GRM7: variants seen among roughly 807,000 people sequenced by gnomAD.
GRM7 encodes the protein glutamate metabotropic receptor 7.
In GRM7, 35 loss-of-function variants were observed where a neutral mutation model predicts 84.5. The observed-to-expected ratio is 0.41, with a 90% CI of 0.32 to 0.55. The LOEUF (loss-of-function observed/expected upper bound fraction) is 0.55, where lower values mean the gene tolerates loss of function less well. Ranked by LOEUF, GRM7 falls within the 20% of genes least tolerant of loss-of-function variation. GRM7 has a pLI of 0.19. For missense variants in GRM7, 1,003 were observed against 1,194.6 expected (o/e 0.84, Z 2.36); for synonymous variants, 487 against 455.1 (o/e 1.07, Z -0.89).
chr3:6,884,688 CT>C (rs1019879725), intron 1 of GRM7, among the ~76,000 whole-genome samples: 6 of 152,002 alleles, frequency 3.9e-5, no homozygotes, highest in Non-Finnish European at 7.4e-5. Context: ...CAACACTCGC[CT>C]TTGGGGTTCA....
At position 7,559,882 on chromosome 3, in the gene GRM7, T is replaced by TCCTTCTCATGTTGTCCC. The variant is rs556426392; in HGVS notation, c.1516-18538_1516-18522dup. 1.5e-3 allele frequency among the ~76,000 whole-genome samples: 231 copies of TCCTTCTCATGTTGTCCC among 152,224 alleles called. 1 individual carries two copies. The highest frequency in any genetic ancestry group is 5.3e-3 in the African/African-American group (222 of 41,550). ...CTCTCCTCTGGGCTTGCAGATGGCC[T>TCCTTCTCATGTTGTCCC]CCTTCTCATGTTGTCCCCACATGGC... On this transcript the variant is annotated intron_variant, in intron 7 of 9. Coordinates refer to ENST00000357716, the MANE Select transcript of GRM7 (RefSeq NM_000844.4).
intron 7 of GRM7, chr3:7,520,407 C>CT (rs1229626173): frequency 6.6e-6 from 1 of 152,048 alleles, no homozygotes; most frequent in Non-Finnish European, 1.5e-5. Context: ...CCATCTTGCC[C>CT]TTATTAATTC....
intron 7 of GRM7, among the ~76,000 whole-genome samples, chr3:7,501,682 C>T (rs1203438771): frequency 6.6e-6 from 1 of 152,140 alleles, no homozygotes; most frequent in South Asian, 2.1e-4. Flanking sequence ...CACAATTTAC[C>T]ATGATTCCTA....
chr3:7,117,537 A>C (rs193145715), intron 1 of GRM7, among the ~76,000 whole-genome samples: 1 of 152,182 alleles, frequency 6.6e-6, no homozygotes, highest in Non-Finnish European at 1.5e-5. Flanking sequence ...GGTCTAAGCT[A>C]TCCCCTGACT....
chr3:6,862,915 G>C lies in GRM7; in HGVS notation c.519+1008G>C, dbSNP rs1694810846. 3 of 430,534 alleles carry C rather than the reference G, an allele frequency of 7.0e-6. No individual in the cohort carries two copies. The highest frequency in any genetic ancestry group is 2.7e-5 in the Admixed American group (1 of 37,246). The allele number at this position is 430,534 out of a possible 1,614,324, so 26.7% of individuals were successfully genotyped here. ...GAAAAAATGGGAGGAAGGCGGATCC[G>C]GGGCCGCTGAGCGGTGGGTTCTGCC... On this transcript the variant is annotated intron_variant, in intron 1 of 9. Transcript: ENST00000357716. The surrounding 1 kb of genome is among the most constrained non-coding windows in gnomAD (Gnocchi z 5.2).
chr3:7,302,309 G>T (rs541545291), intron 3 of GRM7, among the ~76,000 whole-genome samples: 1 of 152,080 alleles, frequency 6.6e-6, no homozygotes, highest in African/African-American at 2.4e-5. Flanking sequence ...ACAGAATAAA[G>T]ATCACATAGA....
chr3:7,339,186 C>A (rs892439963), intron 4 of GRM7, among the ~76,000 whole-genome samples: 1 of 152,064 alleles, frequency 6.6e-6, no homozygotes, highest in South Asian at 2.1e-4. Flanking sequence ...CCACTTTATC[C>A]TCTCTGAATT....
At chr3:7,168,242 A>G (rs1373887538) in intron 2 of GRM7, among the ~76,000 whole-genome samples, 2 of 152,070 alleles carry the variant, frequency 1.3e-5, no homozygotes, top group African/African-American at 4.8e-5. Flanking sequence ...TGTTTCAACT[A>G]TTGTTTCAGT....
intron 4 of GRM7, among the ~76,000 whole-genome samples, chr3:7,342,405 C>T (rs1210815759): frequency 1.3e-5 from 2 of 152,122 alleles, no homozygotes; most frequent in South Asian, 2.1e-4. Context: ...CCTTCCAAGC[C>T]CATGCTAGAC....
intron 1 of GRM7, among the ~76,000 whole-genome samples, chr3:7,103,818 C>CTTTCTTTCTTTCTT (rs1201324152): frequency 2.0e-4 from 25 of 122,320 alleles, no homozygotes; most frequent in African/African-American, 8.6e-4. Flanking sequence ...TTCTTTCTTT[C>CTTTCTTTCTTTCTT]TCTCTCTCTC....
intron 4 of GRM7, among the ~76,000 whole-genome samples, chr3:7,347,448 G>A (rs1034294104): frequency 2.6e-5 from 4 of 152,148 alleles, no homozygotes; most frequent in Non-Finnish European, 4.4e-5. Context: ...TCATGAGAGT[G>A]AGCCAGTTTA....
At chr3:7,677,262 TAAAAAAAAAAAAAAAAAAAA>T (rs557488794) in intron 8 of GRM7, among the ~76,000 whole-genome samples, 1 of 36,980 alleles carries the variant, frequency 2.7e-5, no homozygotes, top group African/African-American at 9.0e-5. Flanking sequence ...ACTCTGTCTT[TAAAAAAAAAAAAAAAAAAAA>T]AAAAAAAAAA....
At chr3:7,183,695 C>A (rs1695421394) in intron 2 of GRM7, among the ~76,000 whole-genome samples, 1 of 152,014 alleles carries the variant, frequency 6.6e-6, no homozygotes, top group African/African-American at 2.4e-5. Context: ...TTTCATGAGT[C>A]TGGCATAAAG....
chr3:7,378,613 C>T (rs761497747), intron 4 of GRM7, among the ~76,000 whole-genome samples: 19 of 152,040 alleles, frequency 1.2e-4, no homozygotes, highest in African/African-American at 4.6e-4. Flanking sequence ...CTTTTTGTGA[C>T]AAGAGAGGTT....
chr3:7,265,210 G>A (rs1450551249), intron 2 of GRM7, among the ~76,000 whole-genome samples: 1 of 152,066 alleles, frequency 6.6e-6, no homozygotes, highest in Non-Finnish European at 1.5e-5. Context: ...AGCTATCTCT[G>A]GACATATTTG....
At chr3:7,245,309 G>T (rs1004330637) in intron 2 of GRM7, among the ~76,000 whole-genome samples, 2 of 151,898 alleles carry the variant, frequency 1.3e-5, no homozygotes, top group Non-Finnish European at 2.9e-5. Flanking sequence ...GAAGCCAAAC[G>T]AATCTCAGGC....
chr3:7,631,606 T>G (rs1329458919), intron 8 of GRM7, among the ~76,000 whole-genome samples: 1 of 152,050 alleles, frequency 6.6e-6, no homozygotes, highest in Non-Finnish European at 1.5e-5. Context: ...AAACAAGGCT[T>G]TTTCAACTTT....
At chr3:7,609,173 A>G (rs1559436769) in intron 8 of GRM7, among the ~76,000 whole-genome samples, 1 of 152,162 alleles carries the variant, frequency 6.6e-6, no homozygotes, top group Non-Finnish European at 1.5e-5. Context: ...AACTCCTCAA[A>G]GTGGCAAGAA....
chr3:7,570,063 A>T (rs1694565827), intron 7 of GRM7, among the ~76,000 whole-genome samples: 1 of 152,164 alleles, frequency 6.6e-6, no homozygotes, highest in South Asian at 2.1e-4. Context: ...TCACAAGAAC[A>T]GCGCAGGAAA....
Sources: gnomAD v4.1 joint callset for allele counts (sites outside exome capture counted in the v4.1 genomes callset) on GRCh38, gnomAD v4.1.1 for gene constraint, Gnocchi (gnomAD v3.1) non-coding constraint, MANE v1.5 for transcripts, NCBI Gene and HGNC (gene_info 2026-07-23, HGNC 2026-07-21) for gene names.